CTNNA2: variants seen among roughly 807,000 people sequenced by gnomAD.
CTNNA2 encodes the protein catenin alpha-2.
A neutral mutation model predicts 101.0 loss-of-function variants in CTNNA2; 42 were observed. The ratio of observed to expected loss-of-function variants is 0.42; its 90% CI spans 0.32 to 0.54. CTNNA2 has a LOEUF of 0.54. Among genes scored for constraint, CTNNA2 ranks in the 20% least tolerant of loss-of-function variants. The probability of loss-of-function intolerance (pLI) is 0.14; values close to 1 mark genes in which losing one functional copy is unlikely to be tolerated. For synonymous variants in CTNNA2, 450 were observed against 456.4 expected, an observed-to-expected ratio of 0.99 and a Z score of 0.18; for missense variants, 871 against 1,223.1, an observed-to-expected ratio of 0.71 and a Z score of 4.29.
chr2:79,211,425 G>C (rs1199259475), intron 2 of CTNNA2, among the ~76,000 whole-genome samples: 2 of 152,160 alleles, frequency 1.3e-5, no homozygotes, highest in Non-Finnish European at 2.9e-5. Flanking sequence ...GGGTGCAGGC[G>C]GGCTGAGTCT....
intron 3 of CTNNA2, among the ~76,000 whole-genome samples, chr2:79,746,580 T>C (rs1490591826): frequency 6.6e-6 from 1 of 152,220 alleles, no homozygotes; most frequent in East Asian, 1.9e-4. Flanking sequence ...TTCCCTTTCC[T>C]TCCAAATATA....
chr2:79,647,296 A>T (rs1201763324), intron 1 of CTNNA2, among the ~76,000 whole-genome samples: 1 of 152,238 alleles, frequency 6.6e-6, no homozygotes, highest in Non-Finnish European at 1.5e-5. Flanking sequence ...TTGCCAAAAA[A>T]GGAAATTTAA....
intron 15 of CTNNA2, among the ~76,000 whole-genome samples, chr2:80,598,764 A>G (rs1168691830): frequency 6.6e-6 from 1 of 152,184 alleles, no homozygotes; most frequent in Non-Finnish European, 1.5e-5. Context: ...TGAGTGAAAA[A>G]CAGTTATCTC....
chr2:80,232,777 C>T (rs1011801250), intron 7 of CTNNA2, among the ~76,000 whole-genome samples: 7 of 152,046 alleles, frequency 4.6e-5, no homozygotes, highest in Admixed American at 1.3e-4. Flanking sequence ...AATGTCACTT[C>T]GTTAGATAGC....
intron 7 of CTNNA2, among the ~76,000 whole-genome samples, chr2:80,113,853 T>C (rs1008756547): frequency 1.8e-4 from 28 of 152,166 alleles, no homozygotes; most frequent in African/African-American, 6.5e-4. Flanking sequence ...TTCTGGAATA[T>C]TAATTCTGGA....
intron 9 of CTNNA2, among the ~76,000 whole-genome samples, chr2:80,496,151 T>C (rs1687447264): frequency 6.6e-6 from 1 of 151,990 alleles, no homozygotes; most frequent in Admixed American, 6.6e-5. Flanking sequence ...TGATGATAGC[T>C]TGATTGTGGA....
intron 3 of CTNNA2, among the ~76,000 whole-genome samples, chr2:79,816,431 G>A (rs1272837114): frequency 6.6e-6 from 1 of 151,990 alleles, no homozygotes; most frequent in African/African-American, 2.4e-5. Context: ...CCATTTTAAG[G>A]ATTCAAAAAT....
intron 7 of CTNNA2, among the ~76,000 whole-genome samples, chr2:80,300,128 C>T (rs1676112168): frequency 6.6e-6 from 1 of 152,034 alleles, no homozygotes; most frequent in South Asian, 2.1e-4. Flanking sequence ...TCAAAACCCC[C>T]TCCTCAAAGT....
chr2:79,817,116 A>G (rs80201974), intron 3 of CTNNA2, among the ~76,000 whole-genome samples: 1 of 151,862 alleles, frequency 6.6e-6, no homozygotes, highest in African/African-American at 2.4e-5. Flanking sequence ...TACATGTGCC[A>G]TGTTGGTGTG....
chr2:80,069,362 T>C (rs1208948824), intron 7 of CTNNA2, among the ~76,000 whole-genome samples: 3 of 152,158 alleles, frequency 2.0e-5, no homozygotes, highest in Non-Finnish European at 4.4e-5. Context: ...CTTAACTCAG[T>C]TAAGTTGCCA....
At chr2:79,569,845 A>G (rs974880205) in intron 1 of CTNNA2, among the ~76,000 whole-genome samples, 5 of 152,216 alleles carry the variant, frequency 3.3e-5, no homozygotes, top group African/African-American at 9.6e-5. Context: ...ACTGATATTT[A>G]TTGTGGAGAT....
chr2:79,360,786 T>C, intron 3 of CTNNA2, among the ~76,000 whole-genome samples: 1 of 152,136 alleles, frequency 6.6e-6, no homozygotes, highest in East Asian at 1.9e-4. Flanking sequence ...TCATAGCAAA[T>C]GTCTTTTTCT....
intron 3 of CTNNA2, among the ~76,000 whole-genome samples, chr2:79,324,780 T>C (rs1676708146): frequency 6.6e-6 from 1 of 151,926 alleles, no homozygotes. Context: ...TCAGTCACTT[T>C]TCAGGAAATA....
At chr2:80,442,425 C>G (rs1220903079) in intron 9 of CTNNA2, among the ~76,000 whole-genome samples, 1 of 152,194 alleles carries the variant, frequency 6.6e-6, no homozygotes, top group Non-Finnish European at 1.5e-5. Context: ...TCCAAACCAG[C>G]CATGAGCCAC....
chr2:80,333,105 G>C (rs1671481886), intron 7 of CTNNA2, among the ~76,000 whole-genome samples: 1 of 152,090 alleles, frequency 6.6e-6, no homozygotes, highest in South Asian at 2.1e-4. Flanking sequence ...AGACTGCAGA[G>C]CCTAAAATAT....
intron 7 of CTNNA2, among the ~76,000 whole-genome samples, chr2:80,175,916 G>A (rs1705365196): frequency 6.6e-6 from 1 of 152,316 alleles, no homozygotes; most frequent in African/African-American, 2.4e-5. Context: ...AAAGATGGAG[G>A]CCAGAAGACT....
At position 80,295,088 on chromosome 2, in the gene CTNNA2, CT is replaced by C. The variant is rs554289781; in HGVS notation, c.1057-98116del. ...CTCTCATCTCCTTCTCCCACCTTGCCTTTTTTTCTTCTCAATCTCTCTTTCT... is the reference window on the plus strand; with the variant it reads ...CTCTCATCTCCTTCTCCCACCTTGCCTTTTTTCTTCTCAATCTCTCTTTCT... On this transcript the variant is annotated intron_variant, in intron 7 of 18. Transcript: ENST00000402739. Among the ~76,000 whole-genome samples, 237 of 151,992 alleles carry C rather than the reference CT, an allele frequency of 1.6e-3. 2 individuals carry two copies. The highest frequency in any genetic ancestry group is 5.4e-3 in the African/African-American group (225 of 41,438).
chr2:79,636,110 A>C (rs1457599338), intron 1 of CTNNA2, among the ~76,000 whole-genome samples: 1 of 149,884 alleles, frequency 6.7e-6, no homozygotes, highest in Non-Finnish European at 1.5e-5. Flanking sequence ...AAATACAAAA[A>C]AAAAAAAAAA....
chr2:80,492,837 G>A (rs1432937830), intron 9 of CTNNA2, among the ~76,000 whole-genome samples: 1 of 152,094 alleles, frequency 6.6e-6, no homozygotes, highest in Non-Finnish European at 1.5e-5. Context: ...TTTCTTACTA[G>A]TTCTTTTTTT....
Sources: gnomAD v4.1 joint callset for allele counts (sites outside exome capture counted in the v4.1 genomes callset) on GRCh38, gnomAD v4.1.1 for gene constraint, MANE v1.5 for transcripts, NCBI Gene and HGNC (gene_info 2026-07-23, HGNC 2026-07-21) for gene names.